Variants in GLCE observed in about 807,000 individuals in gnomAD.
GLCE encodes the protein D-glucuronyl C5-epimerase.
GLCE carries 19 observed loss-of-function variants against 47.9 expected under a neutral mutation model. The observed-to-expected ratio is 0.40, with a 90% CI of 0.28 to 0.58. The LOEUF (loss-of-function observed/expected upper bound fraction) is 0.58, where lower values mean the gene tolerates loss of function less well. Ranked by LOEUF, GLCE falls within the 20% of genes least tolerant of loss-of-function variation. GLCE has a pLI of 0.48. For missense variants in GLCE, 556 were observed against 743.3 expected, an observed-to-expected ratio of 0.75 and a Z score of 2.93; for synonymous variants, 245 against 263.4, an observed-to-expected ratio of 0.93 and a Z score of 0.68.
intron 1 of GLCE, among the ~76,000 whole-genome samples, chr15:69,184,372 A>G (rs1001865171): frequency 2.6e-5 from 4 of 152,214 alleles, no homozygotes; most frequent in African/African-American, 9.6e-5. Flanking sequence ...AAAAATATTA[A>G]TTATAAAAAA....
chr15:69,247,964 A>T (rs2052777506), intron 2 of GLCE, among the ~76,000 whole-genome samples: 1 of 152,210 alleles, frequency 6.6e-6, no homozygotes, highest in South Asian at 2.1e-4. Context: ...AAATATTAGA[A>T]ATACTGTGAG....
intron 2 of GLCE, among the ~76,000 whole-genome samples, chr15:69,249,229 T>A (rs1211334433): frequency 4.6e-5 from 7 of 152,166 alleles, no homozygotes; most frequent in Admixed American, 4.6e-4. Flanking sequence ...ATACCCTGAC[T>A]TGGGAGCATG....
intron 2 of GLCE, among the ~76,000 whole-genome samples, chr15:69,248,387 C>A (rs1446667395): frequency 6.6e-6 from 1 of 152,124 alleles, no homozygotes; most frequent in Non-Finnish European, 1.5e-5. Context: ...AGTCCGTATT[C>A]TGTTATGTCA....
intron 2 of GLCE, among the ~76,000 whole-genome samples, chr15:69,215,582 A>G (rs1474745009): frequency 1.3e-5 from 2 of 151,790 alleles, no homozygotes; most frequent in South Asian, 4.2e-4. Flanking sequence ...GTGTGTATAC[A>G]TAAGTTTTCA....
At chr15:69,258,137 C>T (rs746710437) in intron 3 of GLCE, among the ~76,000 whole-genome samples, 1 of 151,984 alleles carries the variant, frequency 6.6e-6, no homozygotes, top group African/African-American at 2.4e-5. Flanking sequence ...TTCTGATCCT[C>T]GCCCGCCACC....
chr15:69,206,988 G>A (rs961197597), intron 1 of GLCE, among the ~76,000 whole-genome samples: 1 of 152,118 alleles, frequency 6.6e-6, no homozygotes, highest in Non-Finnish European at 1.5e-5. Context: ...ACTGATGTCT[G>A]TGACTAATCC....
intron 2 of GLCE, among the ~76,000 whole-genome samples, chr15:69,219,743 T>C (rs1287415944): frequency 6.6e-6 from 1 of 152,196 alleles, no homozygotes; most frequent in Non-Finnish European, 1.5e-5. Flanking sequence ...ACACGTAATA[T>C]AAAATTTACC....
chr15:69,211,690 C>G lies in GLCE; in HGVS notation c.-14+1284C>G, dbSNP rs16952964. Reference sequence around the variant, plus strand: ...TGCCATATAAGTTAGAATTTCCAACCAATATCATAAAGGAATTTCTCTGTT... The same window carrying G: ...TGCCATATAAGTTAGAATTTCCAACGAATATCATAAAGGAATTTCTCTGTT... On this transcript the variant is annotated intron_variant, in intron 2 of 4. Transcript: ENST00000261858. Among the ~76,000 whole-genome samples the G allele has an allele frequency of 2.5e-3, 378 of 151,750 alleles. 2 individuals are homozygous for G. The highest frequency in any genetic ancestry group is 8.7e-3 in the African/African-American group (361 of 41,430).
At chr15:69,236,309 G>A (rs1159754796) in intron 2 of GLCE, among the ~76,000 whole-genome samples, 2 of 151,930 alleles carry the variant, frequency 1.3e-5, no homozygotes, top group Admixed American at 6.5e-5. Context: ...GCCTTCTAAC[G>A]AGTTCATAGA....
At chr15:69,198,378 A>G (rs1008923156) in intron 1 of GLCE, among the ~76,000 whole-genome samples, 8 of 152,172 alleles carry the variant, frequency 5.3e-5, no homozygotes, top group Non-Finnish European at 7.4e-5. Context: ...TATTGCAGTG[A>G]GTCAGGAATC....
intron 2 of GLCE, among the ~76,000 whole-genome samples, chr15:69,228,098 T>C (rs753520860): frequency 2.0e-5 from 3 of 152,212 alleles, no homozygotes; most frequent in Non-Finnish European, 2.9e-5. Flanking sequence ...ATTATGTTCT[T>C]TCTCTACTGA....
At chr15:69,244,019 C>T (rs529409503) in intron 2 of GLCE, among the ~76,000 whole-genome samples, 3 of 152,312 alleles carry the variant, frequency 2.0e-5, no homozygotes, top group African/African-American at 7.2e-5. Context: ...TATACTGCCA[C>T]CTTGGGGCTT....
chr15:69,180,081 A>G (rs917813950), intron 1 of GLCE, among the ~76,000 whole-genome samples: 1 of 152,232 alleles, frequency 6.6e-6, no homozygotes, highest in African/African-American at 2.4e-5. Context: ...AAAAATCTTC[A>G]TGGAAATAAT....
intron 1 of GLCE, among the ~76,000 whole-genome samples, chr15:69,193,776 G>T (rs1378095083): frequency 6.6e-6 from 1 of 151,970 alleles, no homozygotes; most frequent in Non-Finnish European, 1.5e-5. Context: ...TGCCTTGTTT[G>T]CTTCAGTCTA....
intron 1 of GLCE, among the ~76,000 whole-genome samples, chr15:69,192,002 A>G (rs912078837): frequency 4.4e-4 from 67 of 152,122 alleles, no homozygotes; most frequent in African/African-American, 1.5e-3. Context: ...GCTGCTTTAA[A>G]TGTTTTCTTT....
At chr15:69,211,590 A>G (rs912288824) in intron 2 of GLCE, among the ~76,000 whole-genome samples, 1 of 151,932 alleles carries the variant, frequency 6.6e-6, no homozygotes, top group Non-Finnish European at 1.5e-5. Context: ...TGGAGCCTAG[A>G]AAGTCTATAA....
chr15:69,173,690 T>A (rs1313593463), intron 1 of GLCE, among the ~76,000 whole-genome samples: 2 of 152,096 alleles, frequency 1.3e-5, no homozygotes, highest in Non-Finnish European at 2.9e-5. Flanking sequence ...AATTTAAAAA[T>A]TTTTAAAAAT....
In GLCE at chr15:69,272,118, TTTG is replaced by T; in HGVS notation, c.*2877_*2879del. On this transcript the variant is annotated 3_prime_UTR_variant, in exon 5 of 5. Coordinates refer to ENST00000261858, the MANE Select transcript of GLCE (RefSeq NM_015554.3). ...TGATTTTTTGCAGATGGAAAGGTAT[TTTG>T]TTTCTATACAAAGTAAATGGATTGT... 6.5e-6 allele frequency: 1 copy of T among 152,774 alleles called. No homozygotes were observed. The highest frequency in any genetic ancestry group is 2.1e-4 in the South Asian group (1 of 4,830). 9.5% of individuals were successfully genotyped at this position (152,774 alleles called of 1,614,324 possible).
At chr15:69,250,831 G>T (rs1395953229) in intron 2 of GLCE, among the ~76,000 whole-genome samples, 1 of 151,118 alleles carries the variant, frequency 6.6e-6, no homozygotes, top group Non-Finnish European at 1.5e-5. Context: ...AAACAGCGTG[G>T]TCATGGAAAA....
Sources: allele counts gnomAD v4.1 joint callset (sites outside exome capture counted in the v4.1 genomes callset), GRCh38; gene constraint gnomAD v4.1.1; transcripts MANE v1.5; gene names NCBI Gene and HGNC (gene_info 2026-07-23, HGNC 2026-07-21).